The following KLF16 variants were observed in gnomAD, a reference collection of about 807,000 sequenced individuals.
The protein encoded by KLF16 is KLF transcription factor 16.
In KLF16, 6 loss-of-function variants were observed where a neutral mutation model predicts 6.1. The observed-to-expected ratio is 0.98, with a 90% CI of 0.54 to 1.93. The LOEUF is 1.93. Among genes scored for constraint, KLF16 ranks in the 30% most tolerant of loss-of-function variants. The probability of loss-of-function intolerance (pLI) is 0.01; values close to 1 mark genes in which losing one functional copy is unlikely to be tolerated. For missense variants in KLF16, 355 were observed against 363.8 expected, an observed-to-expected ratio of 0.98 and a Z score of 0.20; for synonymous variants, 211 against 176.5, an observed-to-expected ratio of 1.20 and a Z score of -1.55.
upstream of KLF16, among the ~76,000 whole-genome samples, chr19:1,864,352 C>T (rs534203236): frequency 1.1e-3 from 167 of 152,344 alleles, 1 homozygote; most frequent in African/African-American, 3.2e-3. Context: ...GTCCTCTTCT[C>T]TGGGGTTCCC....
At position 1,853,790 on chromosome 19, in the gene KLF16, C is replaced by T. The variant is rs1261776468; in HGVS notation, c.*669G>A. 1.3e-5 allele frequency: 2 copies of T among 152,608 alleles called. No individual in the cohort carries two copies. Among genetic ancestry groups the T allele is most frequent in the Non-Finnish European group, 2.9e-5 (2 of 68,072 alleles). The allele number at this position is 152,608 out of a possible 1,614,324, so 9.5% of individuals were successfully genotyped here. A position where few individuals can be genotyped will look rare whatever the true frequency, so the allele number is the denominator to read the frequency against. On this transcript the variant is annotated 3_prime_UTR_variant, in exon 2 of 2. Transcript: ENST00000250916. Reference sequence around the variant, plus strand: ...GGTCCCCTCCCTCCCCATCCCAGGTCTCAGAAGCAACACCTGGAGCCCCTC... The same window carrying T: ...GGTCCCCTCCCTCCCCATCCCAGGTTTCAGAAGCAACACCTGGAGCCCCTC...
rs111968329 is a variant in KLF16 at position 1,856,955 on chromosome 19, T to A, written c.458-2195A>T. Among the ~76,000 whole-genome samples, 7 of 25,550 alleles carry A rather than the reference T, an allele frequency of 2.7e-4. 1 individual carries two copies. In the East Asian group the frequency reaches 6.5e-3, roughly 24 times the overall value. 16.8% of individuals were successfully genotyped at this position (25,550 alleles called of 152,430 possible). On this transcript the variant is annotated intron_variant, in intron 1 of 1. Transcript: ENST00000250916. ...TGCAAGGAGGAGCAGGTTGCCGGGG[T>A]GGGGGGGGCGACCGGGGCAGGGGCG...
In KLF16 at chr19:1,858,849, T is replaced by A. The variant is rs568402751; in HGVS notation, c.458-4089A>T. 5.3e-5 allele frequency among the ~76,000 whole-genome samples: 8 copies of A among 152,138 alleles called. No homozygotes were observed. The East Asian group carries it at 1.6e-3, about 30-fold the overall frequency. ...GTTCCAGAAATGGTCTAAGCCAGGG[T>A]GGTGCCCCCCGCCCCCACAGCTCAC... On this transcript the variant is annotated intron_variant, in intron 1 of 1. Transcript: ENST00000250916.
At chr19:1,875,199 G>A in the KLF16 span, 3 of 151,900 alleles carry the variant, frequency 2.0e-5, no homozygotes, top group Non-Finnish European at 4.4e-5. Context: ...GTCCGACTTG[G>A]GCAAAAAACG....
upstream of KLF16, among the ~76,000 whole-genome samples, chr19:1,867,642 T>C (rs1243734263): frequency 6.6e-6 from 1 of 152,068 alleles, no homozygotes; most frequent in Non-Finnish European, 1.5e-5. Flanking sequence ...AAGGCAGATG[T>C]ATCACCTGAG....
chr19:1,855,346 C>T (rs571385423), intron 1 of KLF16, among the ~76,000 whole-genome samples: 2 of 152,276 alleles, frequency 1.3e-5, no homozygotes, highest in East Asian at 3.9e-4. Flanking sequence ...GGGAGGAACC[C>T]GCAGGCACAG....
At chr19:1,854,811 TGACA>T in intron 1 of KLF16, 51 bp from the exon 2 acceptor site, 1 of 1,573,944 alleles carries the variant, frequency 6.4e-7, no homozygotes, top group East Asian at 2.3e-5. Flanking sequence ...CGGGGGGAGA[TGACA>T]GACACGTTCC....
At chr19:1,866,083 C>T (rs1194288882), upstream of KLF16, among the ~76,000 whole-genome samples, 1 of 147,370 alleles carries the variant, frequency 6.8e-6, no homozygotes, top group Non-Finnish European at 1.5e-5. Flanking sequence ...GCTGGCAGAT[C>T]ACCTGAGGTC....
chr19:1,862,451 C>T (rs1458299272), intron 1 of KLF16, among the ~76,000 whole-genome samples: 1 of 152,118 alleles, frequency 6.6e-6, no homozygotes, highest in Non-Finnish European at 1.5e-5. Context: ...GACTCAGGCC[C>T]CAACCCGCGC....
rs1367916072 is a variant in KLF16 at position 1,863,082 on chromosome 19, T to C, written c.416A>G (p.Tyr139Cys). 7 of 1,410,502 alleles carry C rather than the reference T, an allele frequency of 5.0e-6. No individual in the cohort carries two copies. The highest frequency in any genetic ancestry group is 6.6e-6 in the Non-Finnish European group (7 of 1,064,006). 87.4% of individuals were successfully genotyped at this position (1,410,502 alleles called of 1,614,324 possible). A position where few individuals can be genotyped will look rare whatever the true frequency, so the allele number is the denominator to read the frequency against. Residue 139 changes from tyrosine (Y) to cysteine (C), a missense_variant, in exon 1 of 2, where the codon TAC becomes TGC. Transcript: ENST00000250916. Reference protein sequence around the residue: ...CPFPDCAKAYYKSSHLKSHLR... With the variant: ...CPFPDCAKAYCKSSHLKSHLR... ...GTGCGACTTTAGGTGCGAGGACTTGTAGTAGGCTTTGGCGCAGTCCGGGAA... is the reference window on the plus strand; with the variant it reads ...GTGCGACTTTAGGTGCGAGGACTTGCAGTAGGCTTTGGCGCAGTCCGGGAA...
rs141155080 is a variant in KLF16 at position 1,857,595 on chromosome 19, G to A, written c.458-2835C>T. Among the ~76,000 whole-genome samples the A allele has an allele frequency of 0.017, 2,628 of 152,270 alleles. 19 individuals carry two copies. Among genetic ancestry groups the A allele is most frequent in the Non-Finnish European group, 0.024 (1,620 of 67,992 alleles). On this transcript the variant is annotated intron_variant, in intron 1 of 1. Transcript: ENST00000250916. The surrounding 1 kb of genome is among the most constrained non-coding windows in gnomAD (Gnocchi z 4.7). ...ACAGGAGGGGCCTGGAGACAGGACT[G>A]CGGGACTGTGCCAAGGGCCCTGGTT... is the stretch of plus-strand genomic sequence containing the variant.
upstream of KLF16, among the ~76,000 whole-genome samples, chr19:1,867,450 C>T (rs569040517): frequency 1.4e-4 from 22 of 152,366 alleles, no homozygotes; most frequent in Non-Finnish European, 3.1e-4. Flanking sequence ...TAGTGCACGC[C>T]TGTGGTCCCA....
At chr19:1,874,743 T>TC in the KLF16 span, 1 of 44,376 alleles carries the variant, frequency 2.3e-5, no homozygotes, top group African/African-American at 1.1e-4. Context: ...TGTGTCAGAG[T>TC]CCCAAAAAAA....
chr19:1,856,361 C>T (rs533549128), intron 1 of KLF16, among the ~76,000 whole-genome samples: 2 of 152,296 alleles, frequency 1.3e-5, no homozygotes, highest in Admixed American at 1.3e-4. Flanking sequence ...AAAACCTTCC[C>T]TTCTCATCTC....
the KLF16 span, among the ~76,000 whole-genome samples, chr19:1,869,972 C>T: frequency 4.9e-5 from 6 of 122,508 alleles, no homozygotes; most frequent in African/African-American, 1.7e-4. Flanking sequence ...CTCCCTCTGT[C>T]GCCAGGCTGG....
chr19:1,854,820 C>T (rs912174811), intron 1 of KLF16, 60 bp from the exon 2 acceptor site: 4 of 1,557,548 alleles, frequency 2.6e-6, no homozygotes, highest in South Asian at 1.1e-5. Flanking sequence ...ATGACAGACA[C>T]GTTCCAGCAG....
upstream of KLF16, among the ~76,000 whole-genome samples, chr19:1,864,323 C>A (rs368183418): frequency 5.3e-5 from 8 of 152,288 alleles, no homozygotes; most frequent in East Asian, 1.2e-3. Flanking sequence ...GCTTTGACCC[C>A]GCACTCAGGC....
rs1178084541 is a variant in KLF16 at position 1,857,123 on chromosome 19, G to A, written c.458-2363C>T. Among the ~76,000 whole-genome samples, 1 of 152,134 alleles carries A rather than the reference G, an allele frequency of 6.6e-6. No individual in the cohort carries two copies. The highest frequency in any genetic ancestry group is 2.4e-5 in the African/African-American group (1 of 41,410). ...CCAGGGTCGCCTCTCCGGCCTGGGTGCCTGCCAGCCCCGCCCCGCGCTTGG... is the reference window on the plus strand; with the variant it reads ...CCAGGGTCGCCTCTCCGGCCTGGGTACCTGCCAGCCCCGCCCCGCGCTTGG... On this transcript the variant is annotated intron_variant, in intron 1 of 1. Coordinates refer to ENST00000250916, the MANE Select transcript of KLF16 (RefSeq NM_031918.4). The surrounding 1 kb of genome is among the most constrained non-coding windows in gnomAD (Gnocchi z 4.7).
chr19:1,854,942 G>A (rs1599191288), intron 1 of KLF16, among the ~76,000 whole-genome samples, 182 bp from the exon 2 acceptor site: 5 of 152,248 alleles, frequency 3.3e-5, no homozygotes, highest in Admixed American at 3.3e-4. Flanking sequence ...CCCCCCGGTG[G>A]CCCAACACGA....
Sources: gnomAD v4.1 joint callset for allele counts (sites outside exome capture counted in the v4.1 genomes callset) on GRCh38, gnomAD v4.1.1 for gene constraint, Gnocchi (gnomAD v3.1) non-coding constraint, MANE v1.5 for transcripts, NCBI Gene and HGNC (gene_info 2026-07-23, HGNC 2026-07-21) for gene names.